Variants in CNTNAP2 observed in about 807,000 individuals in gnomAD.
The protein encoded by CNTNAP2 is contactin-associated protein-like 2.
In CNTNAP2, 98 loss-of-function variants were observed where a neutral mutation model predicts 155.2. The observed-to-expected ratio is 0.63, with a 90% CI of 0.54 to 0.75. The LOEUF (loss-of-function observed/expected upper bound fraction) is 0.75, where lower values mean the gene tolerates loss of function less well. CNTNAP2 is among the 30% of genes least tolerant of loss of function. The pLI is 0.00. For synonymous variants in CNTNAP2, 651 were observed against 631.2 expected (o/e 1.03, Z -0.47); for missense variants, 1,727 against 1,688.1 (o/e 1.02, Z -0.40).
chr7:146,381,369 C>CT (rs1795387023), intron 1 of CNTNAP2, among the ~76,000 whole-genome samples: 4 of 152,226 alleles, frequency 2.6e-5, no homozygotes, highest in South Asian at 4.1e-4. Context: ...ATATTAACTT[C>CT]TTTTTTAAAT....
chr7:147,126,421 CAG>C (rs1801238995), intron 6 of CNTNAP2, among the ~76,000 whole-genome samples: 1 of 152,144 alleles, frequency 6.6e-6, no homozygotes, highest in Non-Finnish European at 1.5e-5. Flanking sequence ...GTTAAAGTGT[CAG>C]AAAATATTCT....
At chr7:147,422,954 AC>A (rs1488219858) in intron 10 of CNTNAP2, among the ~76,000 whole-genome samples, 6 of 151,522 alleles carry the variant, frequency 4.0e-5, no homozygotes, top group East Asian at 3.8e-4. Context: ...AAAGAAAAAA[AC>A]AACAACAAAA....
At chr7:146,381,773 G>T (rs971802934) in intron 1 of CNTNAP2, among the ~76,000 whole-genome samples, 5 of 152,120 alleles carry the variant, frequency 3.3e-5, no homozygotes, top group Non-Finnish European at 5.9e-5. Context: ...CTCAGGGACA[G>T]AAGTAAAGGA....
intron 1 of CNTNAP2, among the ~76,000 whole-genome samples, chr7:146,169,231 C>G (rs1253370685): frequency 6.6e-6 from 1 of 152,078 alleles, no homozygotes; most frequent in African/African-American, 2.4e-5. Context: ...TACATTTTTC[C>G]TACTGTCTCT....
intron 3 of CNTNAP2, among the ~76,000 whole-genome samples, chr7:146,953,586 C>A (rs536315066): frequency 7.9e-5 from 12 of 151,958 alleles, no homozygotes; most frequent in African/African-American, 2.9e-4. Context: ...TAAAACAATA[C>A]CTCTTGCATC....
At chr7:147,583,145 C>A (rs10226389) in intron 12 of CNTNAP2, among the ~76,000 whole-genome samples, 104,858 of 151,830 alleles carry the variant, frequency 0.69, 36,780 homozygotes, top group African/African-American at 0.81. Context: ...CTGATGTATA[C>A]AACTAAAAAG....
chr7:146,483,061 G>A (rs1281501716), intron 1 of CNTNAP2, among the ~76,000 whole-genome samples: 2 of 151,156 alleles, frequency 1.3e-5, no homozygotes, highest in African/African-American at 4.8e-5. Context: ...CGGATCATGA[G>A]GTCAGGAGAT....
chr7:147,002,944 C>CAAAAAAAAA (rs773401142), intron 3 of CNTNAP2, among the ~76,000 whole-genome samples: 11 of 52,910 alleles, frequency 2.1e-4, no homozygotes, highest in South Asian at 8.6e-4. Context: ...ATGTTCCTTC[C>CAAAAAAAAA]AAAAAAAAAA....
intron 13 of CNTNAP2, among the ~76,000 whole-genome samples, chr7:147,884,585 A>G (rs367674237): frequency 3.9e-4 from 59 of 152,294 alleles, no homozygotes; most frequent in African/African-American, 1.3e-3. Flanking sequence ...CTAACGAAAC[A>G]AGTTTTAGTT....
intron 3 of CNTNAP2, among the ~76,000 whole-genome samples, chr7:146,964,966 A>G (rs1245047717): frequency 7.1e-6 from 1 of 140,514 alleles, no homozygotes; most frequent in East Asian, 1.9e-4. Context: ...TATAAAAAAA[A>G]CAAAACAAAA....
intron 3 of CNTNAP2, among the ~76,000 whole-genome samples, chr7:146,999,543 T>C (rs1049373347): frequency 2.4e-4 from 37 of 152,168 alleles, no homozygotes; most frequent in Middle Eastern, 3.4e-3. Context: ...TCCTTTCAGC[T>C]TGAAGAACTC....
At chr7:147,822,772 T>A (rs905538975) in intron 13 of CNTNAP2, among the ~76,000 whole-genome samples, 2 of 152,166 alleles carry the variant, frequency 1.3e-5, no homozygotes. Context: ...GCGATGTATA[T>A]GACATCGCTA....
chr7:146,510,612 A>G (rs930909112), intron 1 of CNTNAP2, among the ~76,000 whole-genome samples: 8 of 152,208 alleles, frequency 5.3e-5, no homozygotes, highest in African/African-American at 1.9e-4. Flanking sequence ...CTTGCAATCC[A>G]CAGATATGGG....
At chr7:147,865,900 G>GT (rs1203837398) in intron 13 of CNTNAP2, among the ~76,000 whole-genome samples, 3 of 151,930 alleles carry the variant, frequency 2.0e-5, no homozygotes, top group Non-Finnish European at 2.9e-5. Flanking sequence ...TTTTTGAAGG[G>GT]TTTTTTTGTG....
intron 13 of CNTNAP2, among the ~76,000 whole-genome samples, chr7:147,802,157 G>A (rs539710335): frequency 1.1e-4 from 16 of 149,006 alleles, no homozygotes; most frequent in Admixed American, 6.0e-4. Context: ...CCGGGCAGAG[G>A]CGCTCCTCAC....
chr7:148,020,449 G>T (rs957763834), intron 15 of CNTNAP2, among the ~76,000 whole-genome samples: 1 of 152,200 alleles, frequency 6.6e-6, no homozygotes. Context: ...AAAATAAAGT[G>T]CAAGTTGTGA....
intron 12 of CNTNAP2, among the ~76,000 whole-genome samples, chr7:147,624,888 A>C (rs2116898856): frequency 6.6e-6 from 1 of 152,342 alleles, no homozygotes; most frequent in Middle Eastern, 3.4e-3. Context: ...GGATAAAGAA[A>C]ATGTGGTACA....
intron 9 of CNTNAP2, among the ~76,000 whole-genome samples, chr7:147,336,020 G>C (rs2116850622): frequency 6.6e-6 from 1 of 152,276 alleles, no homozygotes; most frequent in African/African-American, 2.4e-5. Context: ...GAATCTGACT[G>C]TGTATTGTTT....
intron 10 of CNTNAP2, among the ~76,000 whole-genome samples, chr7:147,444,391 A>C (rs574841407): frequency 6.6e-6 from 1 of 152,308 alleles, no homozygotes; most frequent in Non-Finnish European, 1.5e-5. Flanking sequence ...CAAAAATGGA[A>C]ATCAGTGAAA....
Sources: gnomAD v4.1 joint callset for allele counts (sites outside exome capture counted in the v4.1 genomes callset) on GRCh38, gnomAD v4.1.1 for gene constraint, MANE v1.5 for transcripts, NCBI Gene and HGNC (gene_info 2026-07-23, HGNC 2026-07-21) for gene names.